Variants in MCC observed in about 807,000 individuals in gnomAD.
MCC encodes the protein colorectal mutant cancer protein.
In MCC, 90 loss-of-function variants were observed where a neutral mutation model predicts 116.2. That is an observed-to-expected ratio of 0.77 (90% confidence interval 0.65 to 0.92). The LOEUF (loss-of-function observed/expected upper bound fraction) is 0.92, where lower values mean the gene tolerates loss of function less well. Among genes scored for constraint, MCC ranks in the 40% least tolerant of loss-of-function variants. The pLI, the probability that MCC is intolerant of heterozygous loss-of-function variation, is 0.00. For synonymous variants in MCC, 578 were observed against 510.5 expected, an observed-to-expected ratio of 1.13 and a Z score of -1.78; for missense variants, 1,516 against 1,312.2, an observed-to-expected ratio of 1.16 and a Z score of -2.40.
At chr5:113,145,068 A>T (rs1015195296) in intron 4 of MCC, among the ~76,000 whole-genome samples, 3 of 152,202 alleles carry the variant, frequency 2.0e-5, no homozygotes, top group African/African-American at 4.8e-5. Context: ...AAATTACAGG[A>T]TCTCAAAGGC....
chr5:113,325,678 C>T (rs1487124465), intron 3 of MCC, among the ~76,000 whole-genome samples: 1 of 151,856 alleles, frequency 6.6e-6, no homozygotes, highest in Non-Finnish European at 1.5e-5. Flanking sequence ...GCATATGGTG[C>T]CATTCCAACC....
Position 113,474,750 on chromosome 5 carries a change from C to T in MCC, c.170+13495G>A, listed in dbSNP as rs181952200. Reference sequence around the variant, plus strand: ...ACCAAAAAGGGAGAGAGGGATAAGCCGCACTGATTTCATCCTTTGCCTATA... The same window carrying T: ...ACCAAAAAGGGAGAGAGGGATAAGCTGCACTGATTTCATCCTTTGCCTATA... On this transcript the variant is annotated intron_variant, in intron 1 of 18. Coordinates refer to ENST00000408903, the MANE Select transcript of MCC (RefSeq NM_001085377.2). Among the ~76,000 whole-genome samples the T allele has an allele frequency of 7.6e-4, 115 of 152,232 alleles. No homozygotes were observed. The Middle Eastern group carries it at 0.014, about 18-fold the overall frequency.
chr5:113,133,104 C>A (rs34225436), intron 5 of MCC, among the ~76,000 whole-genome samples: 23,031 of 152,038 alleles, frequency 0.15, 2,289 homozygotes, highest in African/African-American at 0.27. Flanking sequence ...GTCAGGATAA[C>A]TGGGATATCC....
intron 1 of MCC, among the ~76,000 whole-genome samples, chr5:113,404,401 C>G (rs1056600773): frequency 6.6e-6 from 1 of 152,136 alleles, no homozygotes; most frequent in East Asian, 1.9e-4. Flanking sequence ...AAAATGAGTC[C>G]TGGTCACAGA....
At chr5:113,267,810 T>C (rs1235244170) in intron 3 of MCC, among the ~76,000 whole-genome samples, 4 of 152,212 alleles carry the variant, frequency 2.6e-5, no homozygotes, top group Non-Finnish European at 5.9e-5. Flanking sequence ...GGGAATATAC[T>C]AAAAACCACG....
At chr5:113,061,053 C>T (rs10064486) in intron 14 of MCC, among the ~76,000 whole-genome samples, 2 of 152,142 alleles carry the variant, frequency 1.3e-5, no homozygotes, top group African/African-American at 4.8e-5. Flanking sequence ...GAAACTTTAC[C>T]TTAATCCAGA....
At chr5:113,167,092 C>A (rs1458354219) in intron 3 of MCC, among the ~76,000 whole-genome samples, 1 of 152,170 alleles carries the variant, frequency 6.6e-6, no homozygotes, top group African/African-American at 2.4e-5. Context: ...GGTCGGCAGC[C>A]TCTCAAGATT....
At chr5:113,272,427 TTC>T (rs1384991007) in intron 3 of MCC, among the ~76,000 whole-genome samples, 2 of 152,236 alleles carry the variant, frequency 1.3e-5, no homozygotes, top group Non-Finnish European at 2.9e-5. Context: ...CCTTTAATTC[TTC>T]TCTCTTTCCC....
intron 3 of MCC, among the ~76,000 whole-genome samples, chr5:113,242,704 G>T (rs1164217475): frequency 6.6e-6 from 1 of 152,026 alleles, no homozygotes; most frequent in Non-Finnish European, 1.5e-5. Context: ...TGACCACACG[G>T]GGGTAACCAG....
chr5:113,457,828 G>T (rs917720257), intron 1 of MCC, among the ~76,000 whole-genome samples: 1 of 150,450 alleles, frequency 6.6e-6, no homozygotes, highest in Non-Finnish European at 1.5e-5. Context: ...TACACCAATC[G>T]GCACTCTGTA....
At chr5:113,332,286 C>T (rs974937704) in intron 3 of MCC, among the ~76,000 whole-genome samples, 10 of 151,464 alleles carry the variant, frequency 6.6e-5, no homozygotes, top group Non-Finnish European at 1.2e-4. Flanking sequence ...TTAAGCAATC[C>T]TCCCACCTCA....
At chr5:113,169,052 C>A (rs1760926808) in intron 3 of MCC, among the ~76,000 whole-genome samples, 1 of 152,078 alleles carries the variant, frequency 6.6e-6, no homozygotes, top group East Asian at 1.9e-4. Context: ...CCCAGAGCAC[C>A]CTGAATGCCT....
intron 6 of MCC, among the ~76,000 whole-genome samples, chr5:113,116,307 T>C (rs1273631265): frequency 6.6e-6 from 1 of 152,228 alleles, no homozygotes; most frequent in African/African-American, 2.4e-5. Context: ...ATGTTCACAA[T>C]GATGGCTGGG....
intron 1 of MCC, among the ~76,000 whole-genome samples, chr5:113,483,404 A>AT (rs1448050372): frequency 6.6e-6 from 1 of 152,090 alleles, no homozygotes; most frequent in African/African-American, 2.4e-5. Context: ...TGTACATGTG[A>AT]TTTTTTCCAT....
At chr5:113,334,651 C>A (rs186645966) in intron 3 of MCC, among the ~76,000 whole-genome samples, 1 of 134,862 alleles carries the variant, frequency 7.4e-6, no homozygotes, top group Admixed American at 8.1e-5. Context: ...AGTGCAGTGG[C>A]GTGATCTCAG....
intron 8 of MCC, among the ~76,000 whole-genome samples, chr5:113,088,555 G>A (rs1755364254): frequency 6.6e-6 from 1 of 151,584 alleles, no homozygotes; most frequent in South Asian, 2.1e-4. Context: ...TGCAATGACT[G>A]GTGTTCTTTT....
At chr5:113,111,896 C>G (rs1422842146) in intron 6 of MCC, among the ~76,000 whole-genome samples, 1 of 152,204 alleles carries the variant, frequency 6.6e-6, no homozygotes, top group Non-Finnish European at 1.5e-5. Flanking sequence ...CTTTCTTACT[C>G]AGGATCAGCT....
chr5:113,143,059 T>G (rs968194604), intron 5 of MCC, among the ~76,000 whole-genome samples, 159 bp downstream of exon 5: 1 of 152,164 alleles, frequency 6.6e-6, no homozygotes, highest in Non-Finnish European at 1.5e-5. Flanking sequence ...AAATATACAC[T>G]TCAAAAGCCT....
rs1166528102 is a variant in MCC, at chr5:113,327,556, AAAAAAATAT to A, written c.627+12954_627+12962del. Among the ~76,000 whole-genome samples, 404 of 106,158 alleles carry A rather than the reference AAAAAAATAT, an allele frequency of 3.8e-3. 1 individual carries two copies. The highest frequency in any genetic ancestry group is 5.9e-3 in the Non-Finnish European group (304 of 51,310). 69.6% of individuals were successfully genotyped at this position (106,158 alleles called of 152,430 possible). The stretch of plus-strand genomic sequence containing the variant: ...GTAAGACTCAGTCTCAAAAAAAAAA[AAAAAAATAT>A]ATATATATATATATATATATAAAAA... On this transcript the variant is annotated intron_variant, in intron 3 of 18. Transcript: ENST00000408903.
Sources: gnomAD v4.1 joint callset for allele counts (sites outside exome capture counted in the v4.1 genomes callset) on GRCh38, gnomAD v4.1.1 for gene constraint, MANE v1.5 for transcripts, NCBI Gene and HGNC (gene_info 2026-07-23, HGNC 2026-07-21) for gene names.